PLCD3: variants seen among roughly 807,000 people sequenced by gnomAD.
The protein encoded by PLCD3 is phospholipase C delta 3, also known as 1-phosphatidylinositol 4,5-bisphosphate phosphodiesterase delta-3.
PLCD3 carries 62 observed loss-of-function variants against 82.8 expected under a neutral mutation model. That is an observed-to-expected ratio of 0.75 (90% confidence interval 0.61 to 0.93). The LOEUF (loss-of-function observed/expected upper bound fraction) is 0.93, where lower values mean the gene tolerates loss of function less well. Among genes scored for constraint, PLCD3 ranks in the 40% least tolerant of loss-of-function variants. The probability of loss-of-function intolerance (pLI) is 0.00; values close to 1 mark genes in which losing one functional copy is unlikely to be tolerated. For synonymous variants in PLCD3, 478 were observed against 471.8 expected (o/e 1.01, Z -0.17); for missense variants, 1,023 against 1,103.4 (o/e 0.93, Z 1.03).
chr17:45,124,898 G>A (rs965597548), intron 1 of PLCD3, among the ~76,000 whole-genome samples: 2 of 152,222 alleles, frequency 1.3e-5, no homozygotes, highest in African/African-American at 2.4e-5. Context: ...GCCAAAAGGT[G>A]GAAACAACCC....
At chr17:45,115,050 C>G in intron 10 of PLCD3, 44 bp downstream of exon 10, 1 of 1,558,846 alleles carries the variant, frequency 6.4e-7, no homozygotes, top group Non-Finnish European at 8.7e-7. Flanking sequence ...TTCAGGAGGT[C>G]TCTCACCCTC....
chr17:45,114,391 G>A (rs758487093), intron 10 of PLCD3, 25 bp from the exon 11 acceptor site: 37 of 1,530,068 alleles, frequency 2.4e-5, no homozygotes, highest in Middle Eastern at 1.8e-4. Flanking sequence ...GGGTGAGACC[G>A]TGACAGACTC....
At chr17:45,116,121 A>C (rs1207536896) in intron 8 of PLCD3, among the ~76,000 whole-genome samples, 1 of 152,210 alleles carries the variant, frequency 6.6e-6, no homozygotes, top group African/African-American at 2.4e-5. Context: ...TTTCTCAAGG[A>C]GCCCGACAGG....
At chr17:45,126,620 T>A (rs1230390657) in intron 1 of PLCD3, among the ~76,000 whole-genome samples, 1 of 151,854 alleles carries the variant, frequency 6.6e-6, no homozygotes, top group Non-Finnish European at 1.5e-5. Flanking sequence ...CCATAATTTT[T>A]AAAGTTTAAT....
intron 1 of PLCD3, among the ~76,000 whole-genome samples, chr17:45,123,963 C>CCCT (rs1555610228): frequency 7.1e-6 from 1 of 141,794 alleles, no homozygotes; most frequent in Non-Finnish European, 1.6e-5. Context: ...CAGACCCCCC[C>CCCT]CCCAACCAGG....
chr17:45,120,780 G>A, intron 3 of PLCD3, 122 bp downstream of exon 3: 1 of 1,176,398 alleles, frequency 8.5e-7, no homozygotes, highest in Non-Finnish European at 1.1e-6. Flanking sequence ...CTCCGACCCA[G>A]ACCGTGCGCC....
chr17:45,121,936 G>T (rs549527889), intron 1 of PLCD3, among the ~76,000 whole-genome samples: 3 of 144,694 alleles, frequency 2.1e-5, no homozygotes, highest in African/African-American at 7.8e-5. Context: ...CAGCCTAAGC[G>T]ACAGAGTGAG....
rs1555608542 is a variant in PLCD3, at chr17:45,110,448, A to AAG, written c.*2167_*2168insCT. On this transcript the variant is annotated 3_prime_UTR_variant, in exon 15 of 15. Transcript: ENST00000619929. ...GACGAGCAAGACTTTGTCTCAAAAGAAAAAAAAAAAAGACTCTTGCCCTTT... is the reference window on the plus strand; with the variant it reads ...GACGAGCAAGACTTTGTCTCAAAAGAAGAAAAAAAAAAAGACTCTTGCCCTTT... 1 of 8,316 alleles carries AAG rather than the reference A, an allele frequency of 1.2e-4. No homozygotes were observed. The highest frequency in any genetic ancestry group is 1.8e-4 in the Non-Finnish European group (1 of 5,612). The allele number at this position is 8,316 out of a possible 1,614,324, so 0.5% of individuals were successfully genotyped here. A position where few individuals can be genotyped will look rare whatever the true frequency, so the allele number is the denominator to read the frequency against.
chr17:45,117,942 G>A (rs568168657), intron 7 of PLCD3, 52 bp downstream of exon 7: 47 of 1,602,482 alleles, frequency 2.9e-5, no homozygotes, highest in East Asian at 2.5e-4. Flanking sequence ...GAGTGCGGAC[G>A]GAGGTCATTG....
rs141595488 is a variant in PLCD3 at position 45,115,313 on chromosome 17, C to G, written c.1560+31G>C. On this transcript the variant is annotated intron_variant, in intron 9 of 14. Transcript: ENST00000619929. ...CACATCCGTCCTCCCACCTTCCCCCCCTTCCCCACCCCACCCATCCCAGCT... is the reference window on the plus strand; with the variant it reads ...CACATCCGTCCTCCCACCTTCCCCCGCTTCCCCACCCCACCCATCCCAGCT... 397 of 1,514,414 alleles carry G rather than the reference C, an allele frequency of 2.6e-4. 1 individual carries two copies. The highest frequency in any genetic ancestry group is 8.1e-4 in the Admixed American group (38 of 47,044). 93.8% of individuals were successfully genotyped at this position (1,514,414 alleles called of 1,614,324 possible). A position where few individuals can be genotyped will look rare whatever the true frequency, so the allele number is the denominator to read the frequency against.
chr17:45,120,254 A>C (rs2054325217), intron 4 of PLCD3, 71 bp downstream of exon 4: 1 of 1,597,890 alleles, frequency 6.3e-7, no homozygotes, highest in African/African-American at 1.3e-5. Context: ...CTGATGATTC[A>C]GATGGCTGGG....
chr17:45,127,790 G>C (rs955128595), intron 1 of PLCD3, among the ~76,000 whole-genome samples: 1 of 122,974 alleles, frequency 8.1e-6, no homozygotes, highest in African/African-American at 3.3e-5. Context: ...ATGAGTGTGA[G>C]TGAATGTGTG....
At chr17:45,127,957 A>G (rs1439268420) in intron 1 of PLCD3, among the ~76,000 whole-genome samples, 1 of 152,162 alleles carries the variant, frequency 6.6e-6, no homozygotes, top group African/African-American at 2.4e-5. Context: ...TACAGCCAGC[A>G]GCTGTGGCCA....
chr17:45,114,482 G>A (rs763862100), intron 10 of PLCD3, 116 bp from the exon 11 acceptor site: 20 of 731,490 alleles, frequency 2.7e-5, no homozygotes, highest in East Asian at 1.3e-4. Context: ...CCCTGCCCCC[G>A]CTCCTCACTC....
chr17:45,130,729 C>T (rs570796750), intron 1 of PLCD3, among the ~76,000 whole-genome samples: 2 of 152,074 alleles, frequency 1.3e-5, no homozygotes, highest in South Asian at 4.1e-4. Flanking sequence ...ACCTGCCCCC[C>T]ACTCTCCACA....
Position 45,121,114 on chromosome 17 carries a change from G to A in PLCD3, c.342C>T (p.Ile114=). 1 of 1,528,322 alleles carries A rather than the reference G, an allele frequency of 6.5e-7. No homozygotes were observed. The highest frequency in any genetic ancestry group is 8.7e-7 in the Non-Finnish European group (1 of 1,145,752). The allele number at this position is 1,528,322 out of a possible 1,614,324, so 94.7% of individuals were successfully genotyped here. A position where few individuals can be genotyped will look rare whatever the true frequency, so the allele number is the denominator to read the frequency against. Residue 114 remains isoleucine, a synonymous_variant, in exon 3 of 15, where the codon ATC becomes ATT. Coordinates refer to ENST00000619929, the MANE Select transcript of PLCD3 (RefSeq NM_133373.5). The part of the protein sequence containing the change: ...PSQHIFFVQH[I]EAVREGHQSE... ...ACTGGTGGCCCTCGCGGACCGCCTC[G>A]ATGTGCTGCACGAAGACTGAGAGGA...
rs564675770 is a variant in PLCD3, at chr17:45,129,834, G to A, written c.163+2414C>T. On this transcript the variant is annotated intron_variant, in intron 1 of 14. Transcript: ENST00000619929. ...GGGGGTGTTTTCTTCCTCCTTCCCC[G>A]CTCATCTGGGTCTCCCTAGTGTGGC... 8.5e-5 allele frequency among the ~76,000 whole-genome samples: 13 copies of A among 152,318 alleles called. No individual in the cohort carries two copies. The South Asian group carries it at 1.0e-3, about 12-fold the overall frequency.
chr17:45,127,043 A>T (rs1279996063), intron 1 of PLCD3, among the ~76,000 whole-genome samples: 1 of 152,250 alleles, frequency 6.6e-6, no homozygotes. Flanking sequence ...ATGTGGTGGA[A>T]GTTGGGGGAG....
rs1378246526 is a variant in PLCD3 at position 45,121,068 on chromosome 17, C to T, written c.388G>A (p.Gly130Arg). 1.9e-6 allele frequency: 3 copies of T among 1,541,930 alleles called. No homozygotes were observed. The highest frequency in any genetic ancestry group is 1.4e-5 in the African/African-American group (1 of 72,400). ...GHQSEGLRRF[G>R]GAFAPARCLT... The stretch of plus-strand genomic sequence containing the variant: ...CAGCGCGCTGGCGCGAAGGCACCCC[C>T]GAAGCGCCGCAGGCCCTCGGACTGG... Residue 130 changes from glycine to arginine, a missense_variant, in exon 3 of 15, where the codon GGG becomes AGG. This residue lies in a region of PLCD3 where 448 missense variants were observed against 406.3 expected (regional missense o/e 1.10). Transcript: ENST00000619929.
Sources: allele counts gnomAD v4.1 joint callset (sites outside exome capture counted in the v4.1 genomes callset), GRCh38; gene constraint gnomAD v4.1.1; regional missense constraint gnomAD v4.1.1; transcripts MANE v1.5; gene names NCBI Gene and HGNC (gene_info 2026-07-23, HGNC 2026-07-21).